The following SPECC1 variants were observed in gnomAD, a reference collection of about 807,000 sequenced individuals.
SPECC1 encodes the protein cytospin-B.
Under a neutral mutation model 104.1 loss-of-function variants are expected in SPECC1, and 62 were observed. The ratio of observed to expected loss-of-function variants is 0.60; its 90% confidence interval spans 0.49 to 0.74. The LOEUF (loss-of-function observed/expected upper bound fraction) is 0.74. Among genes scored for constraint, SPECC1 ranks in the 30% least tolerant of loss-of-function variants. The pLI, the probability that SPECC1 is intolerant of heterozygous loss-of-function variation, is 0.00. For missense variants in SPECC1, 1,306 were observed against 1,310.5 expected (o/e 1.00, Z 0.05); for synonymous variants, 513 against 501.6 (o/e 1.02, Z -0.30).
At chr17:20,086,363 A>G (rs979515752) in intron 1 of SPECC1, among the ~76,000 whole-genome samples, 4 of 152,086 alleles carry the variant, frequency 2.6e-5, no homozygotes, top group Admixed American at 2.0e-4. Flanking sequence ...CCACAGACAG[A>G]CAGACAGACT....
At chr17:20,035,094 G>A (rs960343135) in intron 1 of SPECC1, among the ~76,000 whole-genome samples, 1 of 152,078 alleles carries the variant, frequency 6.6e-6, no homozygotes, top group Admixed American at 6.5e-5. Flanking sequence ...AAATCATTTG[G>A]GCATATTTGT....
intron 12 of SPECC1, among the ~76,000 whole-genome samples, chr17:20,263,410 C>T (rs1266449008): frequency 1.3e-5 from 2 of 150,072 alleles, no homozygotes; most frequent in Non-Finnish European, 3.0e-5. Context: ...AGGAGATATA[C>T]CTAATGTAAA....
intron 1 of SPECC1, among the ~76,000 whole-genome samples, chr17:20,085,902 T>C (rs1450226372): frequency 6.6e-6 from 1 of 152,234 alleles, no homozygotes; most frequent in Non-Finnish European, 1.5e-5. Context: ...GTTAGGGCCA[T>C]GCGGCGATGA....
chr17:20,238,802 C>T, intron 7 of SPECC1: 1 of 1,045,454 alleles, frequency 9.6e-7, no homozygotes, highest in Non-Finnish European at 1.2e-6. Flanking sequence ...TGTATTTGCA[C>T]CCTATATTTT....
At chr17:20,026,868 C>A (rs2044620407) in intron 1 of SPECC1, among the ~76,000 whole-genome samples, 1 of 152,090 alleles carries the variant, frequency 6.6e-6, no homozygotes, top group African/African-American at 2.4e-5. Context: ...GTATTATTTT[C>A]CATAATGGCC....
intron 12 of SPECC1, among the ~76,000 whole-genome samples, chr17:20,282,819 A>G (rs2040819774): frequency 6.6e-6 from 1 of 152,198 alleles, no homozygotes; most frequent in South Asian, 2.1e-4. Flanking sequence ...ATCTTAAAAG[A>G]TAAGTAGAAG....
intron 9 of SPECC1, among the ~76,000 whole-genome samples, chr17:20,251,224 CAAAA>C (rs58071050): frequency 3.9e-5 from 2 of 51,024 alleles, no homozygotes; most frequent in East Asian, 9.0e-4. Context: ...GACTCTATCT[CAAAA>C]AAAAAAAAAA....
At chr17:20,199,398 T>TG (rs1438453023) in intron 3 of SPECC1, among the ~76,000 whole-genome samples, 2 of 143,912 alleles carry the variant, frequency 1.4e-5, no homozygotes, top group Non-Finnish European at 3.0e-5. Context: ...TTTTTTTTTT[T>TG]TTTTTTTTTT....
intron 12 of SPECC1, among the ~76,000 whole-genome samples, chr17:20,264,190 A>G (rs542471858): frequency 6.6e-6 from 1 of 152,264 alleles, no homozygotes; most frequent in South Asian, 2.1e-4. Flanking sequence ...TATTTCATCA[A>G]AATACAGCGT....
At position 20,316,943 on chromosome 17, in the gene SPECC1, A is replaced by G. The variant is rs1463588940; in HGVS notation, c.*2878A>G. On this transcript the variant is annotated 3_prime_UTR_variant, in exon 15 of 15. Transcript: ENST00000395527. Reference sequence around the variant, plus strand: ...CCCAAGTTGCCAATGACTGTGGCCAAACTCCCCCATTTTTGTCTGTATCCT... The same window carrying G: ...CCCAAGTTGCCAATGACTGTGGCCAGACTCCCCCATTTTTGTCTGTATCCT... The G allele has an allele frequency of 9.2e-6, 2 of 216,710 alleles. No homozygotes were observed. The highest frequency in any genetic ancestry group is 6.8e-5 in the East Asian group (1 of 14,748). 13.4% of individuals were successfully genotyped at this position (216,710 alleles called of 1,614,324 possible).
At chr17:20,232,648 T>C (rs1026937163) in intron 7 of SPECC1, among the ~76,000 whole-genome samples, 1 of 152,252 alleles carries the variant, frequency 6.6e-6, no homozygotes, top group Non-Finnish European at 1.5e-5. Flanking sequence ...TCTAGCCAAG[T>C]ATCCTGCTAG....
At position 20,315,812 on chromosome 17, in the gene SPECC1, CT is replaced by C. The variant is rs1015210320; in HGVS notation, c.*1748del. ...ACCTTGAGACAAGAACTCCGCCCCCCTGTTAGTGCATCCCAGCTGCAGCTCT... is the reference window on the plus strand; with the variant it reads ...ACCTTGAGACAAGAACTCCGCCCCCCGTTAGTGCATCCCAGCTGCAGCTCT... On this transcript the variant is annotated 3_prime_UTR_variant, in exon 15 of 15. Coordinates refer to ENST00000395527, the MANE Select transcript of SPECC1 (RefSeq NM_001243439.2). The C allele has an allele frequency of 4.3e-6, 1 of 232,824 alleles. No homozygotes were observed. Among genetic ancestry groups the C allele is most frequent in the East Asian group, 6.1e-5 (1 of 16,502 alleles). 14.4% of individuals were successfully genotyped at this position (232,824 alleles called of 1,614,324 possible).
chr17:20,262,210 T>A (rs919137806), intron 12 of SPECC1, among the ~76,000 whole-genome samples: 1 of 152,240 alleles, frequency 6.6e-6, no homozygotes, highest in Non-Finnish European at 1.5e-5. Flanking sequence ...ATTCGATTAT[T>A]GATGGAGAGT....
In SPECC1 at chr17:20,315,337, A is replaced by C; in HGVS notation, c.*1272A>C. 1 of 232,886 alleles carries C rather than the reference A, an allele frequency of 4.3e-6. No individual in the cohort carries two copies. The highest frequency in any genetic ancestry group is 6.1e-5 in the East Asian group (1 of 16,510). The allele number at this position is 232,886 out of a possible 1,614,324, so 14.4% of individuals were successfully genotyped here. On this transcript the variant is annotated 3_prime_UTR_variant, in exon 15 of 15. Coordinates refer to ENST00000395527, the MANE Select transcript of SPECC1 (RefSeq NM_001243439.2). ...CCCCAGCATCCTACTGGTCACCTTAAGTGGCAGCAGAGCCCTCCCCAGCGG... is the reference window on the plus strand; with the variant it reads ...CCCCAGCATCCTACTGGTCACCTTACGTGGCAGCAGAGCCCTCCCCAGCGG...
At chr17:20,154,540 G>A (rs2032288492) in intron 3 of SPECC1, among the ~76,000 whole-genome samples, 1 of 152,208 alleles carries the variant, frequency 6.6e-6, no homozygotes, top group Non-Finnish European at 1.5e-5. Context: ...GGGAAGGTGA[G>A]TTCACTGATG....
chr17:20,250,194 A>G (rs1316051283), intron 9 of SPECC1, among the ~76,000 whole-genome samples: 1 of 152,190 alleles, frequency 6.6e-6, no homozygotes, highest in Admixed American at 6.5e-5. Context: ...CCTCATGAAA[A>G]TATGCTTCAA....
At chr17:20,072,993 G>A (rs2046617530) in intron 1 of SPECC1, among the ~76,000 whole-genome samples, 1 of 152,150 alleles carries the variant, frequency 6.6e-6, no homozygotes, top group Non-Finnish European at 1.5e-5. Context: ...TAGTAGCAGG[G>A]AACGTGGACC....
At chr17:20,028,257 G>A (rs539783607) in intron 1 of SPECC1, among the ~76,000 whole-genome samples, 2 of 127,114 alleles carry the variant, frequency 1.6e-5, no homozygotes, top group Non-Finnish European at 3.5e-5. Context: ...TGTGATGGAG[G>A]GTCCAACTTC....
At chr17:20,257,629 G>C in intron 11 of SPECC1, 22 bp downstream of exon 11, 1 of 1,608,452 alleles carries the variant, frequency 6.2e-7, no homozygotes, top group Non-Finnish European at 8.5e-7. Context: ...CAAACAATAA[G>C]AAATCAGAAA....
Sources: allele counts gnomAD v4.1 joint callset (sites outside exome capture counted in the v4.1 genomes callset), GRCh38; gene constraint gnomAD v4.1.1; transcripts MANE v1.5; gene names NCBI Gene and HGNC (gene_info 2026-07-23, HGNC 2026-07-21).